Variants in TAFA2 observed in about 807,000 individuals in gnomAD.
The protein encoded by TAFA2 is chemokine-like protein TAFA-2.
TAFA2 carries 7 observed loss-of-function variants against 18.8 expected under a neutral mutation model. That is an observed-to-expected ratio of 0.37 (90% CI 0.21 to 0.70). TAFA2 has a LOEUF of 0.70. Ranked by LOEUF, TAFA2 falls within the 30% of genes least tolerant of loss-of-function variation. The pLI is 0.53. For missense variants in TAFA2, 122 were observed against 158.1 expected (o/e 0.77, Z 1.23); for synonymous variants, 60 against 54.2 (o/e 1.11, Z -0.47).
intron 1 of TAFA2, among the ~76,000 whole-genome samples, chr12:61,870,227 T>C (rs1039431889): frequency 1.3e-5 from 2 of 152,174 alleles, no homozygotes; most frequent in Non-Finnish European, 2.9e-5. Context: ...CAATACTACC[T>C]CCAGAATATC....
chr12:62,014,971 C>T (rs1329904258), intron 1 of TAFA2, among the ~76,000 whole-genome samples: 3 of 152,152 alleles, frequency 2.0e-5, no homozygotes, highest in African/African-American at 7.2e-5. Flanking sequence ...TCTCTATTAG[C>T]AAATTCTTCT....
intron 1 of TAFA2, chr12:62,252,336 T>A (rs1226479607): frequency 6.6e-6 from 1 of 152,256 alleles, no homozygotes; most frequent in East Asian, 1.9e-4. Context: ...GGATGGTGAC[T>A]GCTCTCGTTG....
intron 2 of TAFA2, among the ~76,000 whole-genome samples, chr12:61,852,823 G>T (rs555740426): frequency 6.6e-6 from 1 of 152,254 alleles, no homozygotes; most frequent in Admixed American, 6.5e-5. Flanking sequence ...AAGGCTTGTA[G>T]AAAGATATTG....
At chr12:61,742,910 C>T (rs1003617024) in intron 4 of TAFA2, among the ~76,000 whole-genome samples, 1 of 152,028 alleles carries the variant, frequency 6.6e-6, no homozygotes, top group Non-Finnish European at 1.5e-5. Flanking sequence ...TTAACTCATA[C>T]CTCCTTCAAT....
intron 1 of TAFA2, among the ~76,000 whole-genome samples, chr12:62,005,786 A>G (rs1335788702): frequency 1.3e-5 from 2 of 152,142 alleles, no homozygotes; most frequent in African/African-American, 4.8e-5. Context: ...AGTGAGGTGT[A>G]GACAGTTCAT....
At chr12:61,859,455 T>G (rs1326421546) in intron 2 of TAFA2, among the ~76,000 whole-genome samples, 1 of 152,160 alleles carries the variant, frequency 6.6e-6, no homozygotes, top group African/African-American at 2.4e-5. Flanking sequence ...TTTTTGTTTT[T>G]GATTTTGAGA....
intron 1 of TAFA2, among the ~76,000 whole-genome samples, chr12:62,208,193 G>C (rs1222189669): frequency 6.6e-6 from 1 of 152,142 alleles, no homozygotes; most frequent in Non-Finnish European, 1.5e-5. Context: ...GCTAGCTTAT[G>C]TGACCAAGAA....
intron 2 of TAFA2, among the ~76,000 whole-genome samples, chr12:61,851,463 T>C (rs1048905463): frequency 6.6e-6 from 1 of 152,064 alleles, no homozygotes; most frequent in Non-Finnish European, 1.5e-5. Context: ...GGCTTTGTCA[T>C]CCATGTTACA....
chr12:62,120,827 T>TTTATTA (rs547895505), intron 1 of TAFA2, among the ~76,000 whole-genome samples: 32 of 150,966 alleles, frequency 2.1e-4, no homozygotes, highest in Admixed American at 5.9e-4. Flanking sequence ...TTATGGTTTC[T>TTTATTA]TTATTATTAT....
intron 1 of TAFA2, among the ~76,000 whole-genome samples, chr12:62,179,571 A>C (rs1396568781): frequency 6.6e-6 from 1 of 152,102 alleles, no homozygotes; most frequent in Non-Finnish European, 1.5e-5. Flanking sequence ...TCCTGAATAG[A>C]GGTTTTACAA....
upstream of TAFA2, among the ~76,000 whole-genome samples, chr12:62,193,096 G>T (rs182754558): frequency 6.6e-6 from 1 of 152,292 alleles, no homozygotes; most frequent in Admixed American, 6.5e-5. Flanking sequence ...TGGTCAAATT[G>T]GGTGTCGGTT....
chr12:61,929,172 A>T (rs1284206188), intron 1 of TAFA2, among the ~76,000 whole-genome samples: 2 of 152,068 alleles, frequency 1.3e-5, no homozygotes, highest in Non-Finnish European at 2.9e-5. Flanking sequence ...AAAAAAAAAA[A>T]AAGGAGAAAG....
intron 2 of TAFA2, among the ~76,000 whole-genome samples, chr12:61,834,556 A>G (rs1010440910): frequency 3.3e-5 from 5 of 152,046 alleles, no homozygotes; most frequent in African/African-American, 1.2e-4. Context: ...TCCATACAGC[A>G]GAGTACTGAC....
chr12:62,197,591 G>T (rs1049308104), upstream of TAFA2, among the ~76,000 whole-genome samples: 1 of 152,070 alleles, frequency 6.6e-6, no homozygotes, highest in African/African-American at 2.4e-5. Flanking sequence ...GTTACCTCAT[G>T]CCCATTTATA....
At chr12:62,118,711 C>T (rs890065131) in intron 1 of TAFA2, among the ~76,000 whole-genome samples, 1 of 152,010 alleles carries the variant, frequency 6.6e-6, no homozygotes, top group Non-Finnish European at 1.5e-5. Flanking sequence ...TTCATGATCA[C>T]TAATGGATGT....
At chr12:62,012,409 A>G (rs1316060506) in intron 1 of TAFA2, among the ~76,000 whole-genome samples, 2 of 51,354 alleles carry the variant, frequency 3.9e-5, no homozygotes, top group East Asian at 8.0e-4. Context: ...ATATTTCAGC[A>G]TTTAAAAAAA....
chr12:61,798,918 A>C (rs1871295032), intron 2 of TAFA2, among the ~76,000 whole-genome samples: 2 of 152,338 alleles, frequency 1.3e-5, no homozygotes, highest in South Asian at 4.1e-4. Context: ...AAATGCCAAC[A>C]ATTTTAATTC....
chr12:62,069,943 G>A (rs774482901), intron 1 of TAFA2, among the ~76,000 whole-genome samples: 15 of 152,160 alleles, frequency 9.9e-5, no homozygotes, highest in Non-Finnish European at 2.1e-4. Flanking sequence ...AATGTTGCAA[G>A]GTGGCCTTAC....
rs117631341 is a variant in TAFA2 at position 62,228,821 on chromosome 12, T to C, written c.-130+29942A>G. ...AAAAATTTGGGTAGCATTGACATTT[T>C]AATGATATTAACTCTTCTAATTAAT... On this transcript the variant is annotated intron_variant, in intron 1 of 5. Coordinates refer to the TAFA2 transcript ENST00000551619. Among the ~76,000 whole-genome samples the C allele has an allele frequency of 5.6e-4, 86 of 152,318 alleles. 1 individual carries two copies. The East Asian group carries it at 0.015, about 27-fold the overall frequency.
Sources: allele counts gnomAD v4.1 joint callset (sites outside exome capture counted in the v4.1 genomes callset), GRCh38; gene constraint gnomAD v4.1.1; transcripts MANE v1.5; gene names NCBI Gene and HGNC (gene_info 2026-07-23, HGNC 2026-07-21).